ST3GAL1: variants seen among roughly 807,000 people sequenced by gnomAD.
ST3GAL1 encodes the protein ST3 beta-galactoside alpha-2,3-sialyltransferase 1.
Under a neutral mutation model 34.1 loss-of-function variants are expected in ST3GAL1, and 16 were observed. The observed-to-expected ratio is 0.47, with a 90% CI of 0.32 to 0.71. ST3GAL1 has a LOEUF of 0.71. ST3GAL1 is among the 30% of genes least tolerant of loss of function. ST3GAL1 has a pLI of 0.04. For synonymous variants in ST3GAL1, 191 were observed against 184.7 expected (o/e 1.03, Z -0.28); for missense variants, 353 against 447.4 (o/e 0.79, Z 1.90).
At chr8:133,567,120 C>T (rs537790996) in intron 1 of ST3GAL1, 5 of 152,234 alleles carry the variant, frequency 3.3e-5, no homozygotes, top group Admixed American at 1.3e-4. Context: ...ATCTCTAGAA[C>T]ACCCTTCTGT....
At chr8:133,527,531 C>T (rs1056161719) in intron 2 of ST3GAL1, among the ~76,000 whole-genome samples, 32 of 152,146 alleles carry the variant, frequency 2.1e-4, no homozygotes, top group African/African-American at 6.8e-4. Flanking sequence ...TACAGTGTGA[C>T]GTCAGGCAAG....
intron 2 of ST3GAL1, among the ~76,000 whole-genome samples, chr8:133,504,046 A>C (rs1049066675): frequency 6.6e-6 from 1 of 152,156 alleles, no homozygotes; most frequent in Non-Finnish European, 1.5e-5. Context: ...GCAGAACTTC[A>C]CTGGGTTCCT....
chr8:133,541,648 T>C (rs1818537006), intron 2 of ST3GAL1, among the ~76,000 whole-genome samples: 1 of 152,236 alleles, frequency 6.6e-6, no homozygotes, highest in South Asian at 2.1e-4. Flanking sequence ...CCCAGTCTTC[T>C]GCTCTAGTTT....
chr8:133,529,709 C>G (rs754730651), intron 2 of ST3GAL1, among the ~76,000 whole-genome samples: 10 of 152,174 alleles, frequency 6.6e-5, no homozygotes, highest in Non-Finnish European at 1.3e-4. Flanking sequence ...TGGCCACCCC[C>G]TTCTCATCTC....
At chr8:133,482,751 A>G (rs972731233) in intron 3 of ST3GAL1, among the ~76,000 whole-genome samples, 5 of 152,240 alleles carry the variant, frequency 3.3e-5, no homozygotes, top group Non-Finnish European at 5.9e-5. Context: ...CCTGACCAGT[A>G]AATCTTGGAT....
rs139329478 is a variant in ST3GAL1 at position 133,556,984 on chromosome 8, G to T, written c.-581-11058C>A. 6.6e-6 allele frequency among the ~76,000 whole-genome samples: 1 copy of T among 152,278 alleles called. No homozygotes were observed. The highest frequency in any genetic ancestry group is 1.5e-5 in the Non-Finnish European group (1 of 68,022). On this transcript the variant is annotated intron_variant, in intron 1 of 9. Coordinates refer to ENST00000522652, the MANE Select transcript of ST3GAL1 (RefSeq NM_173344.3). The surrounding 1 kb of genome is among the most constrained non-coding windows in gnomAD (Gnocchi z 8.9). ...GTGTTAGAAGGAAACATTGTGACAT[G>T]GTGGAAAGGGGTATGTGACAACCCC...
rs1372244124 is a variant in ST3GAL1 at position 133,570,268 on chromosome 8, G to A, written c.-582+1425C>T. Reference sequence around the variant, plus strand: ...GCTTGGGGACCCGCGAGGGGGAGAAGTCGGGAGAGGCCAGGGGTGCCCGGA... The same window carrying A: ...GCTTGGGGACCCGCGAGGGGGAGAAATCGGGAGAGGCCAGGGGTGCCCGGA... On this transcript the variant is annotated intron_variant, in intron 1 of 9. Coordinates refer to ENST00000522652, the MANE Select transcript of ST3GAL1 (RefSeq NM_173344.3). This position sits in a 1 kb window ranked among gnomAD's most constrained non-coding sequence, Gnocchi z 5.6. The A allele has an allele frequency of 6.6e-6, 1 of 152,324 alleles. No individual in the cohort carries two copies. The highest frequency in any genetic ancestry group is 1.5e-5 in the Non-Finnish European group (1 of 68,104). The allele number at this position is 152,324 out of a possible 1,614,324, so 9.4% of individuals were successfully genotyped here.
chr8:133,497,399 A>G (rs1394787821), intron 3 of ST3GAL1, among the ~76,000 whole-genome samples: 7 of 151,578 alleles, frequency 4.6e-5, no homozygotes. Flanking sequence ...AAGGACTAAG[A>G]CAAGTAGTTT....
intron 1 of ST3GAL1, among the ~76,000 whole-genome samples, chr8:133,562,209 C>CTTT (rs35234056): frequency 8.8e-6 from 1 of 113,272 alleles, no homozygotes; most frequent in Non-Finnish European, 1.9e-5. Context: ...GAATCCACAT[C>CTTT]TTTTTTTTTT....
intron 6 of ST3GAL1, 69 bp from the exon 7 acceptor site, chr8:133,465,026 C>A: frequency 1.3e-6 from 2 of 1,500,694 alleles, no homozygotes; most frequent in Non-Finnish European, 1.8e-6. Flanking sequence ...CTGAGAGCTC[C>A]GAGAGAGTGA....
chr8:133,530,685 G>A (rs1239858196), intron 2 of ST3GAL1, among the ~76,000 whole-genome samples: 1 of 152,142 alleles, frequency 6.6e-6, no homozygotes, highest in Non-Finnish European at 1.5e-5. Flanking sequence ...AAAGGCTAAG[G>A]GAATGCACAT....
At chr8:133,463,310 C>T in intron 8 of ST3GAL1, 104 bp downstream of exon 8, 3 of 1,319,276 alleles carry the variant, frequency 2.3e-6, no homozygotes, top group Non-Finnish European at 3.2e-6. Flanking sequence ...CTCCAGCGGC[C>T]TGGGGATCTG....
chr8:133,562,594 G>T (rs750460641), intron 1 of ST3GAL1, among the ~76,000 whole-genome samples: 11 of 152,146 alleles, frequency 7.2e-5, no homozygotes, highest in Non-Finnish European at 1.6e-4. Context: ...GTAGTTGCTG[G>T]TGTCTGTGAA....
At chr8:133,524,163 A>C (rs1014931488) in intron 2 of ST3GAL1, among the ~76,000 whole-genome samples, 1 of 152,252 alleles carries the variant, frequency 6.6e-6, no homozygotes. Context: ...TCTCAGCTCA[A>C]GCAAAGCCTG....
chr8:133,474,573 C>T (rs1816084576), intron 5 of ST3GAL1, among the ~76,000 whole-genome samples: 2 of 152,178 alleles, frequency 1.3e-5, no homozygotes, highest in African/African-American at 2.4e-5. Context: ...CTGGGTCTTG[C>T]TGACTCTCAG....
At chr8:133,546,544 G>T (rs1054945359) in intron 1 of ST3GAL1, among the ~76,000 whole-genome samples, 8 of 150,554 alleles carry the variant, frequency 5.3e-5, no homozygotes, top group Non-Finnish European at 1.0e-4. Context: ...AACAGGAGAT[G>T]ATATTTTTAG....
In ST3GAL1 at chr8:133,467,222, C is replaced by T. The variant is rs1815774750; in HGVS notation, c.307-1132G>A. On this transcript the variant is annotated intron_variant, in intron 5 of 9. Transcript: ENST00000522652. The surrounding 1 kb of genome is among the most constrained non-coding windows in gnomAD (Gnocchi z 4.2). ...GGGGTTTCCCTAGATGCAGGACTCT[C>T]AGTGCTAAAACCAGGATGAGTTGGT... 6.6e-6 allele frequency among the ~76,000 whole-genome samples: 1 copy of T among 152,170 alleles called. No individual in the cohort carries two copies. Among genetic ancestry groups the T allele is most frequent in the African/African-American group, 2.4e-5 (1 of 41,442 alleles).
chr8:133,511,649 C>T (rs896812625), intron 2 of ST3GAL1, among the ~76,000 whole-genome samples: 2 of 152,182 alleles, frequency 1.3e-5, no homozygotes, highest in African/African-American at 4.8e-5. Context: ...CAGATACTAC[C>T]TAAGTTGTCT....
At chr8:133,528,107 G>A (rs1345918804) in intron 2 of ST3GAL1, among the ~76,000 whole-genome samples, 6 of 151,998 alleles carry the variant, frequency 3.9e-5, no homozygotes, top group African/African-American at 1.2e-4. Flanking sequence ...CCCGGGAGGC[G>A]GAGGTTGCAG....
Sources: gnomAD v4.1 joint callset for allele counts (sites outside exome capture counted in the v4.1 genomes callset) on GRCh38, gnomAD v4.1.1 for gene constraint, Gnocchi (gnomAD v3.1) non-coding constraint, MANE v1.5 for transcripts, NCBI Gene and HGNC (gene_info 2026-07-23, HGNC 2026-07-21) for gene names.